Variants in RCAN2 observed in about 807,000 individuals in gnomAD.
RCAN2 encodes calcipressin-2.
A neutral mutation model predicts 23.6 loss-of-function variants in RCAN2; 9 were observed. The observed-to-expected ratio is 0.38, with a 90% CI of 0.23 to 0.67. RCAN2 has a LOEUF of 0.67. RCAN2 is among the 30% of genes least tolerant of loss of function. RCAN2 has a pLI of 0.51. For synonymous variants in RCAN2, 109 were observed against 115.7 expected (o/e 0.94, Z 0.37); for missense variants, 273 against 302.3 (o/e 0.90, Z 0.72).
chr6:46,325,302 T>C (rs1441891195), intron 2 of RCAN2: 4 of 1,429,652 alleles, frequency 2.8e-6, no homozygotes, highest in African/African-American at 1.4e-5. Context: ...CTGAAAACTA[T>C]TAACCAAAGT....
At chr6:46,322,226 A>G (rs1341153982) in intron 2 of RCAN2, among the ~76,000 whole-genome samples, 1 of 152,158 alleles carries the variant, frequency 6.6e-6, no homozygotes, top group African/African-American at 2.4e-5. Context: ...GAGAACATCA[A>G]CCCTGCACAT....
At chr6:46,474,339 G>A (rs576813351) in intron 1 of RCAN2, among the ~76,000 whole-genome samples, 8 of 152,142 alleles carry the variant, frequency 5.3e-5, no homozygotes, top group East Asian at 1.9e-4. Context: ...CACATGAGGC[G>A]GTGGGGAGGC....
chr6:46,348,905 G>C (rs973755698), intron 2 of RCAN2, among the ~76,000 whole-genome samples: 4 of 152,012 alleles, frequency 2.6e-5, no homozygotes, highest in African/African-American at 9.7e-5. Flanking sequence ...CATTACTGCA[G>C]ATAATAGAGG....
chr6:46,243,822 A>C (rs1404587401), intron 4 of RCAN2, among the ~76,000 whole-genome samples: 2 of 150,848 alleles, frequency 1.3e-5, no homozygotes, highest in Non-Finnish European at 3.0e-5. Context: ...AAAAAAAAAA[A>C]AAAAAAAAAA....
intron 2 of RCAN2, among the ~76,000 whole-genome samples, chr6:46,375,063 A>G (rs989467397): frequency 1.3e-5 from 2 of 152,022 alleles, no homozygotes; most frequent in Non-Finnish European, 2.9e-5. Context: ...GCAGCCCAGT[A>G]GCCGGCATTA....
intron 2 of RCAN2, among the ~76,000 whole-genome samples, chr6:46,439,511 C>T (rs1284829394): frequency 6.6e-6 from 1 of 152,116 alleles, no homozygotes; most frequent in African/African-American, 2.4e-5. Flanking sequence ...AATTCAAATC[C>T]ACTCTATAAA....
intron 2 of RCAN2, among the ~76,000 whole-genome samples, chr6:46,345,478 T>C (rs897963665): frequency 2.0e-5 from 3 of 152,092 alleles, no homozygotes; most frequent in Non-Finnish European, 4.4e-5. Flanking sequence ...TACAGAACAT[T>C]TGCCATGGTA....
At chr6:46,434,662 G>A (rs988665502) in intron 2 of RCAN2, among the ~76,000 whole-genome samples, 6 of 152,192 alleles carry the variant, frequency 3.9e-5, no homozygotes, top group African/African-American at 9.6e-5. Flanking sequence ...CTTATCCTAA[G>A]ATGAGGTCCT....
chr6:46,422,347 G>A, intron 2 of RCAN2, among the ~76,000 whole-genome samples: 1 of 152,100 alleles, frequency 6.6e-6, no homozygotes, highest in East Asian at 1.9e-4. Context: ...GTGGATGCTG[G>A]CACCATGCTT....
chr6:46,461,363 C>T (rs1228992837), intron 1 of RCAN2, among the ~76,000 whole-genome samples: 1 of 152,102 alleles, frequency 6.6e-6, no homozygotes, highest in Non-Finnish European at 1.5e-5. Context: ...TGTTGTTTGA[C>T]ATTTGGAAAG....
chr6:46,474,617 G>A (rs1263649685), intron 1 of RCAN2, among the ~76,000 whole-genome samples: 3 of 152,174 alleles, frequency 2.0e-5, no homozygotes, highest in African/African-American at 7.2e-5. Flanking sequence ...TAGAGAAGTG[G>A]GAGAATTAGG....
chr6:46,372,369 A>G (rs1765346711), intron 2 of RCAN2, among the ~76,000 whole-genome samples: 1 of 152,214 alleles, frequency 6.6e-6, no homozygotes, highest in Non-Finnish European at 1.5e-5. Flanking sequence ...CAATTTATAG[A>G]CAAGAAAATT....
intron 2 of RCAN2, among the ~76,000 whole-genome samples, chr6:46,294,343 C>T (rs1264335171): frequency 6.6e-6 from 1 of 152,070 alleles, no homozygotes; most frequent in African/African-American, 2.4e-5. Flanking sequence ...GTGAGACATC[C>T]AATCTCATGC....
chr6:46,330,260 C>A (rs76000556), intron 2 of RCAN2, among the ~76,000 whole-genome samples: 1 of 152,090 alleles, frequency 6.6e-6, no homozygotes, highest in South Asian at 2.1e-4. Flanking sequence ...GGCAGATTCT[C>A]GGGCCCCACC....
At chr6:46,229,054 T>G (rs1332593304) in intron 4 of RCAN2, among the ~76,000 whole-genome samples, 1 of 152,212 alleles carries the variant, frequency 6.6e-6, no homozygotes, top group African/African-American at 2.4e-5. Flanking sequence ...GATATGAAAT[T>G]CTGGGTTGAA....
At chr6:46,280,305 T>G (rs1767861133) in intron 2 of RCAN2, among the ~76,000 whole-genome samples, 2 of 152,052 alleles carry the variant, frequency 1.3e-5, no homozygotes, top group South Asian at 4.1e-4. Flanking sequence ...CCTGAAAATA[T>G]TTTTTTTAAA....
At chr6:46,237,139 T>C (rs951477294) in intron 4 of RCAN2, among the ~76,000 whole-genome samples, 1 of 152,236 alleles carries the variant, frequency 6.6e-6, no homozygotes, top group Non-Finnish European at 1.5e-5. Context: ...TAGTTTTGTC[T>C]TTCACTTTTA....
intron 2 of RCAN2, among the ~76,000 whole-genome samples, chr6:46,323,855 G>A (rs1188897115): frequency 1.3e-5 from 2 of 152,142 alleles, no homozygotes; most frequent in Non-Finnish European, 2.9e-5. Flanking sequence ...CACAATGCCT[G>A]GCATGTTGCA....
At chr6:46,288,386 TGGGAA>T (rs1762437882) in intron 2 of RCAN2, among the ~76,000 whole-genome samples, 1 of 152,216 alleles carries the variant, frequency 6.6e-6, no homozygotes, top group South Asian at 2.1e-4. Context: ...GTGATGTGAA[TGGGAA>T]TACTGGCTTT....
Sources: allele counts gnomAD v4.1 joint callset (sites outside exome capture counted in the v4.1 genomes callset), GRCh38; gene constraint gnomAD v4.1.1; transcripts MANE v1.5; gene names NCBI Gene and HGNC (gene_info 2026-07-23, HGNC 2026-07-21).